ZFPM2: variants seen among roughly 807,000 people sequenced by gnomAD.
The protein encoded by ZFPM2 is zinc finger protein, FOG family member 2, also known as zinc finger protein ZFPM2.
ZFPM2 carries 20 observed loss-of-function variants against 98.6 expected under a neutral mutation model. The ratio of observed to expected loss-of-function variants is 0.20; its 90% CI spans 0.14 to 0.29. The LOEUF is 0.29. Among genes scored for constraint, ZFPM2 ranks in the 10% least tolerant of loss-of-function variants. ZFPM2 has a pLI of 1.00. For synonymous variants in ZFPM2, 518 were observed against 502.7 expected (o/e 1.03, Z -0.41); for missense variants, 1,310 against 1,388.6 (o/e 0.94, Z 0.90).
At chr8:105,649,241 C>A (rs184626037) in intron 5 of ZFPM2, among the ~76,000 whole-genome samples, 1 of 152,288 alleles carries the variant, frequency 6.6e-6, no homozygotes, top group East Asian at 1.9e-4. Context: ...TATCCTGAGA[C>A]TTTGCTGAAG....
chr8:105,368,766 G>C (rs1810561033), intron 1 of ZFPM2, among the ~76,000 whole-genome samples: 1 of 152,068 alleles, frequency 6.6e-6, no homozygotes, highest in Admixed American at 6.6e-5. Context: ...CAAGATAGGG[G>C]AAAGAGGAGT....
intron 4 of ZFPM2, among the ~76,000 whole-genome samples, chr8:105,563,062 A>T (rs2130703028): frequency 6.6e-6 from 1 of 152,300 alleles, no homozygotes; most frequent in South Asian, 2.1e-4. Flanking sequence ...CTTCTCTCTA[A>T]ATGCCATTTA....
intron 1 of ZFPM2, among the ~76,000 whole-genome samples, chr8:105,385,316 T>C (rs570403474): frequency 4.1e-4 from 63 of 152,342 alleles, no homozygotes; most frequent in African/African-American, 1.4e-3. Context: ...AGACCATGGA[T>C]GTTATTTCTG....
rs1332187238 is a variant in ZFPM2 at position 105,804,311 on chromosome 8, GTAT to G, written c.*776_*778del. On this transcript the variant is annotated 3_prime_UTR_variant, in exon 8 of 8. Transcript: ENST00000407775. Reference sequence around the variant, plus strand: ...AAGCAGTATTGTAAGTAATGAGGTAGTATTAATCAGTTTTATCTTTTGAAAGGC... The same window carrying G: ...AAGCAGTATTGTAAGTAATGAGGTAGTAATCAGTTTTATCTTTTGAAAGGC... 14 of 152,582 alleles carry G rather than the reference GTAT, an allele frequency of 9.2e-5. No homozygotes were observed. The highest frequency in any genetic ancestry group is 2.9e-4 in the African/African-American group (12 of 41,446). 9.5% of individuals were successfully genotyped at this position (152,582 alleles called of 1,614,324 possible).
At chr8:105,696,056 A>C (rs537602725) in intron 5 of ZFPM2, among the ~76,000 whole-genome samples, 1 of 152,202 alleles carries the variant, frequency 6.6e-6, no homozygotes, top group African/African-American at 2.4e-5. Flanking sequence ...CTCATCTCTA[A>C]CAGTGCAATA....
intron 5 of ZFPM2, among the ~76,000 whole-genome samples, chr8:105,654,644 G>T (rs1303847134): frequency 6.6e-6 from 1 of 151,872 alleles, no homozygotes; most frequent in Non-Finnish European, 1.5e-5. Context: ...TGAAAGAACT[G>T]TTGTCAAGGT....
At chr8:105,365,306 A>G (rs1347588726) in intron 1 of ZFPM2, among the ~76,000 whole-genome samples, 1 of 152,196 alleles carries the variant, frequency 6.6e-6, no homozygotes, top group African/African-American at 2.4e-5. Flanking sequence ...TGGAATGGTG[A>G]TATAAAAGAC....
At chr8:105,525,250 C>T (rs185524448) in intron 3 of ZFPM2, among the ~76,000 whole-genome samples, 8 of 152,254 alleles carry the variant, frequency 5.3e-5, no homozygotes, top group African/African-American at 7.2e-5. Flanking sequence ...GCTCTTGTTC[C>T]GTCAATAGTG....
In ZFPM2 at chr8:105,327,939, A is replaced by G. The variant is rs571183078; in HGVS notation, c.40+8958A>G. Among the ~76,000 whole-genome samples the G allele has an allele frequency of 9.6e-4, 146 of 151,852 alleles. 1 individual carries two copies. In the Middle Eastern group the frequency reaches 0.01, roughly 11 times the overall value. On this transcript the variant is annotated intron_variant, in intron 1 of 7. Transcript: ENST00000407775. Reference sequence around the variant, plus strand: ...AAATGCCATGGACTGGTAAGCCTTCATGCTCCTTGTGTGTGCTGAGAAGTT... The same window carrying G: ...AAATGCCATGGACTGGTAAGCCTTCGTGCTCCTTGTGTGTGCTGAGAAGTT...
chr8:105,696,565 GA>G (rs1285488732), intron 5 of ZFPM2, among the ~76,000 whole-genome samples: 1 of 152,056 alleles, frequency 6.6e-6, no homozygotes, highest in East Asian at 1.9e-4. Context: ...TTATTTACGA[GA>G]TAATATTTTT....
intron 5 of ZFPM2, among the ~76,000 whole-genome samples, chr8:105,673,037 GATTTATT>G (rs71917532): frequency 0.16 from 23,830 of 151,932 alleles, 2,084 homozygotes; most frequent in African/African-American, 0.25. Flanking sequence ...GTTAGTCCTA[GATTTATT>G]ATTTATTTTA....
At chr8:105,517,612 G>C (rs1813955333) in intron 3 of ZFPM2, among the ~76,000 whole-genome samples, 1 of 151,720 alleles carries the variant, frequency 6.6e-6, no homozygotes, top group African/African-American at 2.4e-5. Context: ...CACTTTGGGA[G>C]ACCACGGTAG....
chr8:105,500,660 AG>A (rs1384139545), intron 3 of ZFPM2, among the ~76,000 whole-genome samples: 1 of 152,212 alleles, frequency 6.6e-6, no homozygotes, highest in Non-Finnish European at 1.5e-5. Flanking sequence ...TTAATTGTAT[AG>A]TATTGAAGAA....
At chr8:105,343,355 C>G (rs565979833) in intron 1 of ZFPM2, among the ~76,000 whole-genome samples, 1 of 152,068 alleles carries the variant, frequency 6.6e-6, no homozygotes, top group African/African-American at 2.4e-5. Context: ...AATGTCATAT[C>G]CTCCTTAAAA....
chr8:105,587,781 T>C (rs1206718315), intron 4 of ZFPM2, among the ~76,000 whole-genome samples: 3 of 152,146 alleles, frequency 2.0e-5, no homozygotes, highest in Admixed American at 6.5e-5. Flanking sequence ...CAGATAATTC[T>C]TTGGTGTGGG....
chr8:105,352,311 G>A (rs1245406922), intron 1 of ZFPM2, among the ~76,000 whole-genome samples: 1 of 152,108 alleles, frequency 6.6e-6, no homozygotes, highest in Non-Finnish European at 1.5e-5. Context: ...AAATATCCCT[G>A]TTCTTTCATT....
chr8:105,479,715 A>T (rs1263683358), intron 3 of ZFPM2, among the ~76,000 whole-genome samples: 2 of 152,194 alleles, frequency 1.3e-5, no homozygotes, highest in Non-Finnish European at 2.9e-5. Context: ...TTATTATTTC[A>T]GGAAGTAAAG....
intron 5 of ZFPM2, among the ~76,000 whole-genome samples, chr8:105,704,626 G>A (rs1318743793): frequency 6.6e-6 from 1 of 152,150 alleles, no homozygotes; most frequent in Non-Finnish European, 1.5e-5. Flanking sequence ...AGTAGCGGGT[G>A]TGTTGCATTT....
chr8:105,511,369 C>T (rs1813814354), intron 3 of ZFPM2, among the ~76,000 whole-genome samples: 1 of 152,200 alleles, frequency 6.6e-6, no homozygotes, highest in African/African-American at 2.4e-5. Context: ...AGCCTATTTG[C>T]ATTTTAGCAG....
Sources: gnomAD v4.1 joint callset for allele counts (sites outside exome capture counted in the v4.1 genomes callset) on GRCh38, gnomAD v4.1.1 for gene constraint, MANE v1.5 for transcripts, NCBI Gene and HGNC (gene_info 2026-07-23, HGNC 2026-07-21) for gene names.